Variants in FHIT observed in about 807,000 individuals in gnomAD.
The protein encoded by FHIT is fragile histidine triad diadenosine triphosphatase.
In FHIT, 19 loss-of-function variants were observed where a neutral mutation model predicts 17.9. The observed-to-expected ratio is 1.06, with a 90% CI of 0.74 to 1.56. The LOEUF is 1.56. Ranked by LOEUF, FHIT falls within the 40% of genes most tolerant of loss-of-function variation. FHIT has a pLI of 0.00. For synonymous variants in FHIT, 81 were observed against 69.7 expected (o/e 1.16, Z -0.81); for missense variants, 248 against 189.2 (o/e 1.31, Z -1.82).
chr3:60,211,016 G>A (rs1444129411), intron 5 of FHIT, among the ~76,000 whole-genome samples: 1 of 147,190 alleles, frequency 6.8e-6, no homozygotes, highest in East Asian at 2.0e-4. Flanking sequence ...AATAGGGGAT[G>A]GAGTGAGAAA....
chr3:60,357,640 C>A lies in FHIT; in HGVS notation c.103+179220G>T, dbSNP rs367918835. On this transcript the variant is annotated intron_variant, in intron 5 of 9. Transcript: ENST00000492590. Reference sequence around the variant, plus strand: ...GGATCAATTGACATCAACCCTAACTCAAAGCCAGGAAGCTTAATCCAACAT... The same window carrying A: ...GGATCAATTGACATCAACCCTAACTAAAAGCCAGGAAGCTTAATCCAACAT... Among the ~76,000 whole-genome samples, 462 of 152,284 alleles carry A rather than the reference C, an allele frequency of 3.0e-3. 1 individual carries two copies. Among genetic ancestry groups the A allele is most frequent in the South Asian group, 0.022 (108 of 4,832 alleles).
At chr3:60,862,664 A>C (rs1177294889) in intron 3 of FHIT, among the ~76,000 whole-genome samples, 2 of 152,016 alleles carry the variant, frequency 1.3e-5, no homozygotes, top group African/African-American at 4.8e-5. Context: ...AGCCTGGCCA[A>C]TATGGTGAAA....
chr3:60,395,074 G>A (rs1701380791), intron 5 of FHIT, among the ~76,000 whole-genome samples: 1 of 152,180 alleles, frequency 6.6e-6, no homozygotes, highest in Non-Finnish European at 1.5e-5. Flanking sequence ...CATTTAAGAT[G>A]AAAGCAGAGG....
intron 3 of FHIT, among the ~76,000 whole-genome samples, chr3:60,931,441 A>C (rs1707947783): frequency 6.6e-6 from 1 of 152,244 alleles, no homozygotes; most frequent in South Asian, 2.1e-4. Context: ...TTTATTTTAC[A>C]CTATGTGCAA....
intron 8 of FHIT, among the ~76,000 whole-genome samples, chr3:59,847,545 T>C (rs1701766765): frequency 6.6e-6 from 1 of 152,186 alleles, no homozygotes; most frequent in South Asian, 2.1e-4. Flanking sequence ...GTAGTTTAAG[T>C]ATCTGGCTAA....
At chr3:61,131,005 C>T (rs1285183394) in intron 2 of FHIT, among the ~76,000 whole-genome samples, 1 of 152,154 alleles carries the variant, frequency 6.6e-6, no homozygotes, top group Non-Finnish European at 1.5e-5. Context: ...TTATAAAACA[C>T]ATAGGGTTAA....
intron 5 of FHIT, among the ~76,000 whole-genome samples, chr3:60,146,532 G>A (rs1275599151): frequency 1.3e-5 from 2 of 152,114 alleles, no homozygotes; most frequent in African/African-American, 2.4e-5. Flanking sequence ...CTCTAAATAG[G>A]TTGGCTTTGG....
chr3:61,108,047 A>C (rs2036043130), intron 2 of FHIT, among the ~76,000 whole-genome samples: 1 of 152,234 alleles, frequency 6.6e-6, no homozygotes, highest in African/African-American at 2.4e-5. Flanking sequence ...AACTTGATCT[A>C]ACAAACCATT....
intron 2 of FHIT, among the ~76,000 whole-genome samples, chr3:61,044,867 A>G (rs374495779): frequency 6.6e-6 from 1 of 152,232 alleles, no homozygotes; most frequent in African/African-American, 2.4e-5. Flanking sequence ...CCAGAATTTC[A>G]TAACTAGCCA....
intron 8 of FHIT, among the ~76,000 whole-genome samples, chr3:59,791,999 AG>A (rs760964450): frequency 3.4e-3 from 184 of 54,346 alleles, no homozygotes; most frequent in Middle Eastern, 0.011. Flanking sequence ...TGGCTATGGT[AG>A]TCTATGTCTT....
chr3:60,231,769 A>G (rs1407866256), intron 5 of FHIT, among the ~76,000 whole-genome samples: 1 of 152,194 alleles, frequency 6.6e-6, no homozygotes, highest in Non-Finnish European at 1.5e-5. Flanking sequence ...AAAATTGGCT[A>G]GGCTATAGTT....
intron 5 of FHIT, among the ~76,000 whole-genome samples, chr3:60,134,801 G>C (rs1699745376): frequency 6.6e-6 from 1 of 152,096 alleles, no homozygotes. Flanking sequence ...AATTAGTTGA[G>C]GTTCTCTTTC....
chr3:59,779,567 C>T (rs968473751), intron 8 of FHIT, among the ~76,000 whole-genome samples: 2 of 152,140 alleles, frequency 1.3e-5, no homozygotes, highest in Non-Finnish European at 2.9e-5. Context: ...TTCATGAAAA[C>T]ATCATTTTTT....
chr3:60,266,597 GGATTAAGGAGGAGTTA>G (rs1706588577), intron 5 of FHIT, among the ~76,000 whole-genome samples: 1 of 152,060 alleles, frequency 6.6e-6, no homozygotes, highest in Non-Finnish European at 1.5e-5. Context: ...GGAAGGGAAA[GGATTAAGGAGGAGTTA>G]GATCCTCAGA....
chr3:59,985,259 A>G (rs1326166573), intron 7 of FHIT, among the ~76,000 whole-genome samples: 1 of 152,158 alleles, frequency 6.6e-6, no homozygotes. Context: ...GATCTCCATT[A>G]CAAACACAGA....
Position 60,375,630 on chromosome 3 carries a change from A to T in FHIT, c.103+161230T>A, listed in dbSNP as rs141107877. Among the ~76,000 whole-genome samples the T allele has an allele frequency of 3.7e-3, 568 of 152,254 alleles. 3 individuals are homozygous for T. Among genetic ancestry groups the T allele is most frequent in the African/African-American group, 0.013 (522 of 41,544 alleles). Reference sequence around the variant, plus strand: ...ACTACTATACCATTTTAAAGTACACATACATAGAGGAGTAGCAATACCATT... The same window carrying T: ...ACTACTATACCATTTTAAAGTACACTTACATAGAGGAGTAGCAATACCATT... On this transcript the variant is annotated intron_variant, in intron 5 of 9. Transcript: ENST00000492590.
intron 8 of FHIT, among the ~76,000 whole-genome samples, chr3:59,804,254 G>A (rs1022265024): frequency 8.5e-5 from 13 of 152,338 alleles, no homozygotes; most frequent in Middle Eastern, 3.4e-3. Flanking sequence ...AATCCAGGAA[G>A]AGACTGCCAG....
intron 4 of FHIT, among the ~76,000 whole-genome samples, chr3:60,654,317 C>T (rs1247761267): frequency 2.0e-5 from 3 of 152,008 alleles, no homozygotes; most frequent in Admixed American, 6.6e-5. Context: ...AATCAGAAGG[C>T]AAATTAGAAA....
intron 5 of FHIT, among the ~76,000 whole-genome samples, chr3:60,206,975 C>A (rs1322044062): frequency 6.6e-6 from 1 of 152,082 alleles, no homozygotes; most frequent in Non-Finnish European, 1.5e-5. Context: ...ACTAGACCCA[C>A]CTCAAAAGGA....
Sources: gnomAD v4.1 joint callset for allele counts (sites outside exome capture counted in the v4.1 genomes callset) on GRCh38, gnomAD v4.1.1 for gene constraint, MANE v1.5 for transcripts, NCBI Gene and HGNC (gene_info 2026-07-23, HGNC 2026-07-21) for gene names.